The following PLCH2 variants were observed in gnomAD, a reference collection of about 807,000 sequenced individuals.
PLCH2 encodes the protein 1-phosphatidylinositol 4,5-bisphosphate phosphodiesterase eta-2.
In PLCH2, 98 loss-of-function variants were observed where a neutral mutation model predicts 134.7. The observed-to-expected ratio is 0.73, with a 90% CI of 0.62 to 0.86. The LOEUF is 0.86. Ranked by LOEUF, PLCH2 falls within the 40% of genes least tolerant of loss-of-function variation. The pLI is 0.00. For synonymous variants in PLCH2, 974 were observed against 827.5 expected (o/e 1.18, Z -3.04); for missense variants, 1,994 against 1,986.6 (o/e 1.00, Z -0.07).
Position 2,486,946 on chromosome 1 carries a change from G to C in PLCH2, c.856G>C (p.Glu286Gln). ...VTLESCQDII[E>Q]QFEPCPENKS... Reference sequence around the variant, plus strand: ...CCTCGAGAGCTGCCAGGACATCATCGAGCAGTTTGAGCCATGCCCAGAAAA... The same window carrying C: ...CCTCGAGAGCTGCCAGGACATCATCCAGCAGTTTGAGCCATGCCCAGAAAA... Residue 286 changes from glutamate (E) to glutamine (Q), a missense_variant, in exon 6 of 22, where the codon GAG becomes CAG. Around this residue, in one of 2 missense-constraint regions of PLCH2, gnomAD observed 1,094 missense variants for 1,234.3 expected, o/e 0.89. Transcript: ENST00000378486. The C allele has an allele frequency of 6.2e-7, 1 of 1,608,542 alleles. No homozygotes were observed. Among genetic ancestry groups the C allele is most frequent in the South Asian group, 1.1e-5 (1 of 89,638 alleles).
At chr1:2,460,947 G>T (rs1042380374) in intron 2 of PLCH2, among the ~76,000 whole-genome samples, 1 of 152,202 alleles carries the variant, frequency 6.6e-6, no homozygotes, top group Non-Finnish European at 1.5e-5. Flanking sequence ...GGCCCTTGAG[G>T]CTGGGTGCCA....
intron 2 of PLCH2, among the ~76,000 whole-genome samples, chr1:2,460,228 C>A (rs1640747137): frequency 6.6e-6 from 1 of 152,236 alleles, no homozygotes; most frequent in Admixed American, 6.5e-5. Context: ...TTTTCTAAGG[C>A]CATGCTGCCC....
chr1:2,444,411 G>A lies in PLCH2; in HGVS notation c.115+13782G>A, dbSNP rs1156286947. 7.9e-5 allele frequency among the ~76,000 whole-genome samples: 12 copies of A among 152,276 alleles called. No individual in the cohort carries two copies. Among genetic ancestry groups the A allele is most frequent in the Admixed American group, 5.9e-4 (9 of 15,306 alleles). ...CTGCCTGGGCTGCAGGTGCTCATCT[G>A]GGGGGAGCCGGCCTCTCCCCACACT... On this transcript the variant is annotated intron_variant, in intron 2 of 3. Coordinates refer to the PLCH2 transcript ENST00000609981. This position sits in a 1 kb window ranked among gnomAD's most constrained non-coding sequence, Gnocchi z 4.6.
At position 2,448,279 on chromosome 1, in the gene PLCH2, G is replaced by A. The variant is rs1030678316; in HGVS notation, c.115+17650G>A. ...TTATTCTCTCGCAGTCCTGGAGGCT[G>A]GAAGTCTGAGGTCAGGGTGTGGGTG... On this transcript the variant is annotated intron_variant, in intron 2 of 3. Transcript: ENST00000609981. This position sits in a 1 kb window ranked among gnomAD's most constrained non-coding sequence, Gnocchi z 4.0. Among the ~76,000 whole-genome samples the A allele has an allele frequency of 1.3e-5, 2 of 152,170 alleles. No individual in the cohort carries two copies. The highest frequency in any genetic ancestry group is 4.8e-5 in the African/African-American group (2 of 41,432).
the PLCH2 span, among the ~76,000 whole-genome samples, chr1:2,418,751 T>C: frequency 6.6e-6 from 1 of 152,284 alleles, no homozygotes. Context: ...GAGTGAGCCG[T>C]GTGCTCCGCA....
chr1:2,445,178 G>A (rs561807146), intron 2 of PLCH2, among the ~76,000 whole-genome samples: 6 of 152,168 alleles, frequency 3.9e-5, no homozygotes, highest in Non-Finnish European at 7.4e-5. Context: ...GTCTGGAAAG[G>A]ATGAGGGAGG....
chr1:2,428,043 C>T lies in PLCH2; in HGVS notation c.-178+2006C>T, dbSNP rs546059448. Among the ~76,000 whole-genome samples, 6 of 152,302 alleles carry T rather than the reference C, an allele frequency of 3.9e-5. No individual in the cohort carries two copies. The East Asian group carries it at 5.8e-4, about 15-fold the overall frequency. ...GTCGTTGCACCCTGGGCACTCGGCC[C>T]GGAGCTGGGCCTGGGCCTGGGCTGT... On this transcript the variant is annotated intron_variant, in intron 1 of 3. Transcript: ENST00000609981.
At position 2,494,868 on chromosome 1, in the gene PLCH2, G is replaced by A. The variant is rs1454279409; in HGVS notation, c.1672G>A (p.Glu558Lys). 1 of 1,605,756 alleles carries A rather than the reference G, an allele frequency of 6.2e-7. No individual in the cohort carries two copies. The highest frequency in any genetic ancestry group is 8.5e-7 in the Non-Finnish European group (1 of 1,176,742). ...CCCCTGGACTCAGAGCAAGGCTGAA[G>A]AGGACGTGGAGTCTGGGGAGGATGC... ...GKLGRKSKAE[E>K]DVESGEDAGA... The change falls in exon 12 of 22, where the codon GAG becomes AAG. Residue 558 changes from glutamate to lysine, a missense_variant. Transcript: ENST00000378486.
Position 2,504,517 on chromosome 1 carries a change from C to T in PLCH2, c.3555C>T (p.His1185=), listed in dbSNP as rs781013335. 3.7e-6 allele frequency: 6 copies of T among 1,612,386 alleles called. No homozygotes were observed. The African/African-American group carries it at 4.0e-5, about 11-fold the overall frequency. Residue 1185 remains histidine, a synonymous_variant, in exon 22 of 22, where the codon CAC becomes CAT. Coordinates refer to ENST00000378486, the MANE Select transcript of PLCH2 (RefSeq NM_014638.4). The part of the protein sequence containing the change: ...AHMGRLPPRP[H]SASAARPDLP... ...TGGGACGCCTGCCCCCCAGGCCCCA[C>T]TCGGCTTCGGCTGCCCGCCCAGACC... is the stretch of plus-strand genomic sequence containing the variant.
chr1:2,434,520 G>A (rs969890951), intron 2 of PLCH2, among the ~76,000 whole-genome samples: 11 of 152,242 alleles, frequency 7.2e-5, no homozygotes, highest in East Asian at 1.9e-4. Context: ...AGCAGCTGCC[G>A]CCAGGTGCGG....
intron 11 of PLCH2, 67 bp downstream of exon 11, chr1:2,491,402 C>T: frequency 6.5e-7 from 1 of 1,538,562 alleles, no homozygotes; most frequent in South Asian, 1.2e-5. Flanking sequence ...TGTGGGCCAG[C>T]CAGGGCCCCC....
At position 2,476,433 on chromosome 1, in the gene PLCH2, G is replaced by A. The variant is rs1641620648; in HGVS notation, c.-156G>A. The A allele has an allele frequency of 5.7e-6, 4 of 703,374 alleles. No homozygotes were observed. Among genetic ancestry groups the A allele is most frequent in the Non-Finnish European group, 8.9e-6 (4 of 447,908 alleles). 43.6% of individuals were successfully genotyped at this position (703,374 alleles called of 1,614,324 possible). ...GCCGGGCCTGGGCACAGCCCTGTGG[G>A]GGCTTCGGAGGGCCCTGAGGAGGAG... On this transcript the variant is annotated 5_prime_UTR_variant, in exon 1 of 22. Transcript: ENST00000378486.
At chr1:2,451,902 T>C (rs1034453139) in intron 2 of PLCH2, among the ~76,000 whole-genome samples, 1 of 152,176 alleles carries the variant, frequency 6.6e-6, no homozygotes, top group African/African-American at 2.4e-5. Flanking sequence ...GGCATGCTGG[T>C]GGGGAAGTGT....
In PLCH2 at chr1:2,459,538, TGGTGGTCCTCC is replaced by T. The variant is rs1557970004; in HGVS notation, c.116-18937_116-18927del. On this transcript the variant is annotated intron_variant, in intron 2 of 3. Coordinates refer to the PLCH2 transcript ENST00000609981. ...CCTCCTTCCTGGTGGTCCTCCTTCCTGGTGGTCCTCCTTCCTGGTGGTCCTCCTTGCCGGTG... is the reference window on the plus strand; with the variant it reads ...CCTCCTTCCTGGTGGTCCTCCTTCCTTTCCTGGTGGTCCTCCTTGCCGGTG... Among the ~76,000 whole-genome samples, 55 of 123,678 alleles carry T rather than the reference TGGTGGTCCTCC, an allele frequency of 4.4e-4. 8 individuals carry two copies. The highest frequency in any genetic ancestry group is 1.7e-3 in the African/African-American group (54 of 31,272). 81.1% of individuals were successfully genotyped at this position (123,678 alleles called of 152,430 possible). A position where few individuals can be genotyped will look rare whatever the true frequency, so the allele number is the denominator to read the frequency against.
chr1:2,479,616 G>T, intron 2 of PLCH2, 118 bp from the exon 3 acceptor site: 1 of 1,039,612 alleles, frequency 9.6e-7, no homozygotes. Context: ...CCCTGCCGAG[G>T]GTCCCGCAAA....
In PLCH2 at chr1:2,497,550, C is replaced by T. The variant is rs1366607640; in HGVS notation, c.2165C>T (p.Ala722Val). Residue 722 changes from alanine (A) to valine (V), a missense_variant, in exon 16 of 22, where the codon GCC (alanine) becomes GTC (valine). This residue lies in a region of PLCH2 where 1,094 missense variants were observed against 1,234.3 expected (regional missense o/e 0.89). Transcript: ENST00000378486. Reference sequence around the variant, plus strand: ...GGGCGGATGCTGCAGCTGAACCGAGCCAAGTTCAGCGCCAACGGTGGCTGC... The same window carrying T: ...GGGCGGATGCTGCAGCTGAACCGAGTCAAGTTCAGCGCCAACGGTGGCTGC... ...SEGRMLQLNRAKFSANGGCGY... is the reference protein window; with the variant it reads ...SEGRMLQLNRVKFSANGGCGY... 4.5e-6 allele frequency: 7 copies of T among 1,563,532 alleles called. No homozygotes were observed. Among genetic ancestry groups the T allele is most frequent in the Non-Finnish European group, 6.1e-6 (7 of 1,154,426 alleles).
intron 2 of PLCH2, among the ~76,000 whole-genome samples, chr1:2,453,893 G>A (rs1282273302): frequency 6.6e-6 from 1 of 152,144 alleles, no homozygotes; most frequent in Non-Finnish European, 1.5e-5. Context: ...GGAGGGGCCT[G>A]GCCTGCGCCT....
At chr1:2,496,008 C>G (rs1159015128) in intron 13 of PLCH2, among the ~76,000 whole-genome samples, 1 of 152,118 alleles carries the variant, frequency 6.6e-6, no homozygotes, top group Non-Finnish European at 1.5e-5. Context: ...TTTGAGGTCT[C>G]AAACCTACAG....
At chr1:2,501,996 C>G (rs932816054) in intron 20 of PLCH2, 116 bp from the exon 21 acceptor site, 2 of 978,204 alleles carry the variant, frequency 2.0e-6, no homozygotes, top group Admixed American at 6.7e-5. Context: ...CCCAGCCCCT[C>G]GGACCGAGAC....
Sources: gnomAD v4.1 joint callset for allele counts (sites outside exome capture counted in the v4.1 genomes callset) on GRCh38, gnomAD v4.1.1 for gene constraint, gnomAD v4.1.1 regional missense constraint, Gnocchi (gnomAD v3.1) non-coding constraint, MANE v1.5 for transcripts, NCBI Gene and HGNC (gene_info 2026-07-23, HGNC 2026-07-21) for gene names.